Variants in NRG4 observed in about 807,000 individuals in gnomAD.
NRG4 encodes the protein pro-neuregulin-4, membrane-bound isoform.
NRG4 carries 10 observed loss-of-function variants against 15.0 expected under a neutral mutation model. The ratio of observed to expected loss-of-function variants is 0.67; its 90% confidence interval spans 0.41 to 1.13. The LOEUF (loss-of-function observed/expected upper bound fraction) is 1.13. NRG4 is among the 50% of genes most tolerant of loss of function. The probability of loss-of-function intolerance (pLI) is 0.00; values close to 1 mark genes in which losing one functional copy is unlikely to be tolerated. For synonymous variants in NRG4, 41 were observed against 50.1 expected, an observed-to-expected ratio of 0.82 and a Z score of 0.77; for missense variants, 139 against 140.2, an observed-to-expected ratio of 0.99 and a Z score of 0.04.
At chr15:75,984,613 A>C (rs149984138) in intron 3 of NRG4, among the ~76,000 whole-genome samples, 1 of 152,170 alleles carries the variant, frequency 6.6e-6, no homozygotes, top group East Asian at 1.9e-4. Context: ...CAGGCATGGG[A>C]ACATCACACA....
chr15:75,938,024 CG>C (rs1287948335), downstream of NRG4: 2 of 152,176 alleles, frequency 1.3e-5, no homozygotes, highest in African/African-American at 4.8e-5. Flanking sequence ...AACACTTGCC[CG>C]GAAAGTTCTA....
intron 3 of NRG4, among the ~76,000 whole-genome samples, chr15:75,973,828 C>CT (rs1299335155): frequency 6.6e-6 from 1 of 152,070 alleles, no homozygotes; most frequent in African/African-American, 2.4e-5. Context: ...CTGAAATTTT[C>CT]TTTTTTTATT....
Position 75,978,384 on chromosome 15 carries a change from T to C in NRG4, c.105-16410A>G, listed in dbSNP as rs1284503194. ...TTGCTGCACATGACGGGACTTCATT[T>C]TTTTTATGGCTGAATAATATTCTAT... On this transcript the variant is annotated intron_variant, in intron 3 of 5. Transcript: ENST00000394907. Among the ~76,000 whole-genome samples, 4 of 152,334 alleles carry C rather than the reference T, an allele frequency of 2.6e-5. No homozygotes were observed. The East Asian group carries it at 7.7e-4, about 29-fold the overall frequency.
At chr15:75,962,921 G>T (rs976582449) in intron 3 of NRG4, among the ~76,000 whole-genome samples, 2 of 152,186 alleles carry the variant, frequency 1.3e-5, no homozygotes. Context: ...TAAAAAGGTT[G>T]ATTCTACTAA....
At chr15:75,989,083 C>A (rs2033910001) in intron 3 of NRG4, among the ~76,000 whole-genome samples, 1 of 152,030 alleles carries the variant, frequency 6.6e-6, no homozygotes, top group African/African-American at 2.4e-5. Flanking sequence ...GTCTTGAACA[C>A]CTGAGCTCAA....
Position 75,941,014 on chromosome 15 carries a change from G to C in NRG4, c.*2624C>G, listed in dbSNP as rs1232968529. The stretch of plus-strand genomic sequence containing the variant: ...AGTAAAAAGATTACCTATGGAGTGG[G>C]AGGAAATAATATGCAGTTCACGTAC... On this transcript the variant is annotated 3_prime_UTR_variant, in exon 6 of 6. Coordinates refer to ENST00000394907, the MANE Select transcript of NRG4 (RefSeq NM_138573.4). The C allele has an allele frequency of 6.6e-6, 1 of 152,112 alleles. No homozygotes were observed. Among genetic ancestry groups the C allele is most frequent in the Non-Finnish European group, 1.5e-5 (1 of 67,972 alleles). The allele number at this position is 152,112 out of a possible 1,614,324, so 9.4% of individuals were successfully genotyped here. A position where few individuals can be genotyped will look rare whatever the true frequency, so the allele number is the denominator to read the frequency against.
chr15:75,953,946 C>CA (rs1175694017), intron 5 of NRG4, among the ~76,000 whole-genome samples: 1 of 152,150 alleles, frequency 6.6e-6, no homozygotes, highest in African/African-American at 2.4e-5. Context: ...CTCAGCCTCC[C>CA]AGAATGCTGG....
At chr15:76,006,557 A>T (rs1271451182) in intron 3 of NRG4, among the ~76,000 whole-genome samples, 1 of 152,122 alleles carries the variant, frequency 6.6e-6, no homozygotes, top group Non-Finnish European at 1.5e-5. Flanking sequence ...GCAACTCCAG[A>T]ATACACATTC....
chr15:75,979,431 C>T (rs1247985144), intron 3 of NRG4, among the ~76,000 whole-genome samples: 1 of 152,104 alleles, frequency 6.6e-6, no homozygotes, highest in East Asian at 1.9e-4. Flanking sequence ...TTTATTTGAA[C>T]ACATGGGTTT....
intron 5 of NRG4, among the ~76,000 whole-genome samples, chr15:76,026,388 A>G (rs1412632305): frequency 6.6e-6 from 1 of 152,236 alleles, no homozygotes; most frequent in Admixed American, 6.5e-5. Context: ...GGATATAATC[A>G]AAGTACTGAA....
intron 3 of NRG4, among the ~76,000 whole-genome samples, chr15:75,984,191 G>A (rs1021674981): frequency 9.2e-5 from 14 of 152,078 alleles, no homozygotes; most frequent in Admixed American, 2.0e-4. Flanking sequence ...TATGGACTTT[G>A]GTGATTATGA....
chr15:75,997,489 G>C (rs564379559), intron 3 of NRG4, among the ~76,000 whole-genome samples: 34 of 151,908 alleles, frequency 2.2e-4, no homozygotes, highest in African/African-American at 8.2e-4. Context: ...AAAGACAAGA[G>C]AATTATTCAG....
At chr15:76,010,304 C>T (rs1439809873) in intron 2 of NRG4, among the ~76,000 whole-genome samples, 2 of 151,976 alleles carry the variant, frequency 1.3e-5, no homozygotes, top group African/African-American at 4.8e-5. Context: ...TAGGAAATGA[C>T]CCAGAATCAT....
intron 4 of NRG4, among the ~76,000 whole-genome samples, chr15:76,048,044 G>A (rs1421626806): frequency 6.7e-6 from 1 of 150,064 alleles, no homozygotes; most frequent in African/African-American, 2.5e-5. Flanking sequence ...TGTAGTCCCA[G>A]CTACTCCAGA....
intron 3 of NRG4, among the ~76,000 whole-genome samples, chr15:75,973,437 C>G (rs2033210693): frequency 6.6e-6 from 1 of 152,176 alleles, no homozygotes. Context: ...GCATCCTTGT[C>G]TTGTGCTGGT....
At chr15:76,033,071 A>G (rs1248207292) in intron 5 of NRG4, among the ~76,000 whole-genome samples, 2 of 152,190 alleles carry the variant, frequency 1.3e-5, no homozygotes, top group African/African-American at 4.8e-5. Context: ...ATATTCCCTA[A>G]TTATATTAAA....
Position 75,984,833 on chromosome 15 carries a change from TTTTTG to T in NRG4, c.105-22864_105-22860del, listed in dbSNP as rs922850881. On this transcript the variant is annotated intron_variant, in intron 3 of 5. Transcript: ENST00000394907. Reference sequence around the variant, plus strand: ...TGGCAAATAATTTTTTTTAAAGCAGTTTTTGTTTTGTTTTGTTTTGTTTTGTCTTG... The same window carrying T: ...TGGCAAATAATTTTTTTTAAAGCAGTTTTTGTTTTGTTTTGTTTTGTCTTG... Among the ~76,000 whole-genome samples the T allele has an allele frequency of 4.4e-4, 67 of 152,052 alleles. 1 individual carries two copies. The South Asian group carries it at 5.8e-3, about 13-fold the overall frequency.
At chr15:76,013,753 T>G (rs1038956648), upstream of NRG4, among the ~76,000 whole-genome samples, 2 of 152,180 alleles carry the variant, frequency 1.3e-5, no homozygotes, top group East Asian at 1.9e-4. Context: ...TGAGGGGAAT[T>G]TGGGTTGGTT....
chr15:76,041,193 A>T (rs1280968003), intron 4 of NRG4, among the ~76,000 whole-genome samples: 2 of 152,176 alleles, frequency 1.3e-5, no homozygotes, highest in African/African-American at 4.8e-5. Flanking sequence ...AAATTAAATT[A>T]TACCACCAGA....
Sources: gnomAD v4.1 joint callset for allele counts (sites outside exome capture counted in the v4.1 genomes callset) on GRCh38, gnomAD v4.1.1 for gene constraint, MANE v1.5 for transcripts, NCBI Gene and HGNC (gene_info 2026-07-23, HGNC 2026-07-21) for gene names.